The following ARHGAP6 variants were observed in gnomAD, a reference collection of about 807,000 sequenced individuals.
ARHGAP6 encodes Rho GTPase activating protein 6.
In ARHGAP6, 16 loss-of-function variants were observed where a neutral mutation model predicts 55.7. That is an observed-to-expected ratio of 0.29 (90% CI 0.19 to 0.44). The LOEUF (loss-of-function observed/expected upper bound fraction) is 0.44, where lower values mean the gene tolerates loss of function less well. ARHGAP6 is among the 20% of genes least tolerant of loss of function. The pLI, the probability that ARHGAP6 is intolerant of heterozygous loss-of-function variation, is 1.00. For missense variants in ARHGAP6, 698 were observed against 808.9 expected, an observed-to-expected ratio of 0.86 and a Z score of 1.66; for synonymous variants, 382 against 360.9, an observed-to-expected ratio of 1.06 and a Z score of -0.66.
intron 1 of ARHGAP6, among the ~76,000 whole-genome samples, chrX:11,444,371 C>T (rs1270650871): frequency 1.8e-5 from 2 of 112,349 alleles, no homozygotes; most frequent in African/African-American, 3.2e-5. Flanking sequence ...GGCTATATAC[C>T]AGAGCTTGCT....
chrX:11,545,588 C>T (rs767025468), intron 1 of ARHGAP6, among the ~76,000 whole-genome samples: 1 of 111,948 alleles, frequency 8.9e-6, no homozygotes, highest in East Asian at 2.8e-4. Flanking sequence ...AGGCAGACAT[C>T]CTCACTCTAT....
chrX:11,506,810 G>A (rs377500244), intron 1 of ARHGAP6, among the ~76,000 whole-genome samples: 1 of 111,503 alleles, frequency 9.0e-6, no homozygotes, highest in Non-Finnish European at 1.9e-5. Context: ...TTGAGGAATC[G>A]CCACACTGTC....
At chrX:11,481,315 C>T (rs1211212275) in intron 1 of ARHGAP6, among the ~76,000 whole-genome samples, 1 of 111,884 alleles carries the variant, frequency 8.9e-6, no homozygotes, top group African/African-American at 3.3e-5. Flanking sequence ...TTCACATGCA[C>T]GCACACCCAC....
intron 1 of ARHGAP6, among the ~76,000 whole-genome samples, chrX:11,645,231 A>G (rs1284045334): frequency 9.0e-6 from 1 of 111,444 alleles, no homozygotes; most frequent in Non-Finnish European, 1.9e-5. Flanking sequence ...GGGACACTGA[A>G]ACTGTTCTGT....
intron 1 of ARHGAP6, among the ~76,000 whole-genome samples, chrX:11,620,964 T>C (rs2052221760): frequency 1.8e-5 from 2 of 112,310 alleles, no homozygotes; most frequent in East Asian, 2.8e-4. Context: ...CAACACAGCC[T>C]CTGTCTAGAC....
At chrX:11,590,646 G>A (rs1487834852) in intron 1 of ARHGAP6, among the ~76,000 whole-genome samples, 1 of 105,316 alleles carries the variant, frequency 9.5e-6, no homozygotes, top group East Asian at 3.0e-4. Context: ...TTAGCCAGGC[G>A]TGGTGGTGCA....
intron 2 of ARHGAP6, among the ~76,000 whole-genome samples, chrX:11,229,114 A>G (rs147724741): frequency 0.024 from 2,679 of 112,529 alleles, 80 homozygotes; most frequent in African/African-American, 0.083. Context: ...TTCTCTAATA[A>G]AAGAAGACAA....
chrX:11,489,406 T>C lies in ARHGAP6; in HGVS notation c.588+174835A>G, dbSNP rs181520766. Among the ~76,000 whole-genome samples the C allele has an allele frequency of 4.4e-5, 5 of 112,437 alleles. No individual in the cohort carries two copies. In the Admixed American group the frequency reaches 4.7e-4, roughly 11 times the overall value. On this transcript the variant is annotated intron_variant, in intron 1 of 12. Coordinates refer to ENST00000337414, the MANE Select transcript of ARHGAP6 (RefSeq NM_013427.3). ...TTTTAAATGCAAAAGAAACAATCTG[T>C]CTTCTTCAGCTTAGAGCACAGGTTG...
chrX:11,312,437 T>C (rs1204887313), intron 1 of ARHGAP6, among the ~76,000 whole-genome samples: 1 of 111,731 alleles, frequency 9.0e-6, no homozygotes, highest in Non-Finnish European at 1.9e-5. Context: ...AGTTCAGGAC[T>C]CTCAAATACT....
At chrX:11,520,371 C>A (rs1395305429) in intron 1 of ARHGAP6, among the ~76,000 whole-genome samples, 1 of 101,974 alleles carries the variant, frequency 9.8e-6, no homozygotes, top group Non-Finnish European at 2.0e-5. Context: ...TCCAAGTGTT[C>A]TCATTGTTCA....
intron 2 of ARHGAP6, among the ~76,000 whole-genome samples, chrX:11,216,835 T>C (rs112806838): frequency 0.027 from 3,050 of 111,112 alleles, 38 homozygotes; most frequent in Middle Eastern, 0.083. Context: ...TCATCTACAT[T>C]AGGTATTTCT....
At chrX:11,218,342 G>A (rs1040512835) in intron 2 of ARHGAP6, among the ~76,000 whole-genome samples, 10 of 111,863 alleles carry the variant, frequency 8.9e-5, no homozygotes, top group Non-Finnish European at 7.5e-5. Context: ...TCGTAACCAT[G>A]AGCATGGAAT....
Position 11,664,816 on chromosome X carries a change from T to G in ARHGAP6, c.13A>C (p.Ser5Arg), listed in dbSNP as rs1437270549. The G allele has an allele frequency of 8.4e-7, 1 of 1,191,529 alleles. No homozygotes were observed. The highest frequency in any genetic ancestry group is 1.7e-5 in the African/African-American group (1 of 57,221). Reference sequence around the variant, plus strand: ...CAGGAGAAGACGCTGTGGAGCAGGCTCTGCGCGGACATCTCGGCGGGGCTG... The same window carrying G: ...CAGGAGAAGACGCTGTGGAGCAGGCGCTGCGCGGACATCTCGGCGGGGCTG... Reference protein sequence around the residue: MSAQSLLHSVFSCSS... With the variant: MSAQRLLHSVFSCSS... Residue 5 changes from serine (S) to arginine (R), a missense_variant, in exon 1 of 13, where the codon AGC becomes CGC. Coordinates refer to ENST00000337414, the MANE Select transcript of ARHGAP6 (RefSeq NM_013427.3).
Position 11,182,060 on chromosome X carries a change from T to C in ARHGAP6, c.1329+3A>G. 8.3e-7 allele frequency: 1 copy of C among 1,200,809 alleles called. No homozygotes were observed. The highest frequency in any genetic ancestry group is 1.1e-6 in the Non-Finnish European group (1 of 887,236). On this transcript the variant is annotated splice_donor_region_variant and intron_variant, in intron 6 of 12. Transcript: ENST00000337414. The stretch of plus-strand genomic sequence containing the variant: ...CAAAATATAATCTTTACTTTTCACT[T>C]ACTTGTCTCACTCTCTTTTTTGAGC...
At chrX:11,417,384 C>T (rs1017155978) in intron 1 of ARHGAP6, among the ~76,000 whole-genome samples, 2 of 108,118 alleles carry the variant, frequency 1.8e-5, no homozygotes, top group Non-Finnish European at 3.8e-5. Context: ...AGTGCTTTTG[C>T]GGTGATGGAC....
chrX:11,296,883 C>T (rs1404956640), intron 1 of ARHGAP6: 14 of 1,150,658 alleles, frequency 1.2e-5, no homozygotes, highest in Non-Finnish European at 4.8e-6. Context: ...GCCCTGGGCT[C>T]TGTAAAGAAT....
chrX:11,485,532 T>C lies in ARHGAP6; in HGVS notation c.588+178709A>G, dbSNP rs184030072. 7.5e-4 allele frequency among the ~76,000 whole-genome samples: 85 copies of C among 112,858 alleles called. 1 individual carries two copies. The highest frequency in any genetic ancestry group is 7.5e-4 in the Non-Finnish European group (40 of 53,395). ...GCAATAAACATTATTTTTAAAGTTC[T>C]CATCTACTTTTGTCTCTCTTCCACA... On this transcript the variant is annotated intron_variant, in intron 1 of 12. Transcript: ENST00000337414.
intron 1 of ARHGAP6, among the ~76,000 whole-genome samples, chrX:11,555,468 T>A (rs145628471): frequency 1.8e-5 from 2 of 111,205 alleles, no homozygotes; most frequent in Admixed American, 1.9e-4. Context: ...GTGAGCCACA[T>A]TGGGACAGGG....
chrX:11,589,547 G>A (rs1449139324), intron 1 of ARHGAP6, among the ~76,000 whole-genome samples: 1 of 109,315 alleles, frequency 9.1e-6, no homozygotes, highest in Non-Finnish European at 1.9e-5. Context: ...TGGAGAGCTT[G>A]CCTCTGAGAA....
Sources: gnomAD v4.1 joint callset for allele counts (sites outside exome capture counted in the v4.1 genomes callset) on GRCh38, gnomAD v4.1.1 for gene constraint, MANE v1.5 for transcripts, NCBI Gene and HGNC (gene_info 2026-07-23, HGNC 2026-07-21) for gene names.